Variants in PCDHGC5 observed in about 807,000 individuals in gnomAD.
The protein encoded by PCDHGC5 is protocadherin gamma-C5.
Under a neutral mutation model 59.0 loss-of-function variants are expected in PCDHGC5, and 25 were observed. That is an observed-to-expected ratio of 0.42 (90% CI 0.31 to 0.59). The LOEUF is 0.59. Ranked by LOEUF, PCDHGC5 falls within the 20% of genes least tolerant of loss-of-function variation. PCDHGC5 has a pLI of 0.13. For missense variants in PCDHGC5, 1,067 were observed against 1,206.4 expected, an observed-to-expected ratio of 0.88 and a Z score of 1.71; for synonymous variants, 434 against 505.5, an observed-to-expected ratio of 0.86 and a Z score of 1.90.
At chr5:141,507,798 GCCCT>G (rs2099863561) in intron 3 of PCDHGC5, among the ~76,000 whole-genome samples, 1 of 152,188 alleles carries the variant, frequency 6.6e-6, no homozygotes, top group Admixed American at 6.5e-5. Context: ...CTAAGCCTGC[GCCCT>G]GGGGAACGGA....
intron 2 of PCDHGC5, among the ~76,000 whole-genome samples, chr5:141,501,333 A>ACACACC (rs1186649373): frequency 1.5e-4 from 21 of 140,134 alleles, no homozygotes; most frequent in African/African-American, 3.4e-4. Flanking sequence ...ACACACACAC[A>ACACACC]CCCCAAACTC....
At chr5:141,494,772 G>C in intron 1 of PCDHGC5, 35 bp from the exon 2 acceptor site, 1 of 1,613,982 alleles carries the variant, frequency 6.2e-7, no homozygotes, top group Non-Finnish European at 8.5e-7. Context: ...ACTTCTCACG[G>C]GTACTCAGCC....
chr5:141,497,540 CTTT>C (rs754207034), intron 2 of PCDHGC5, among the ~76,000 whole-genome samples: 11 of 134,886 alleles, frequency 8.2e-5, no homozygotes, highest in African/African-American at 1.9e-4. Context: ...TGCAACAAAC[CTTT>C]TTTTTTTTTT....
At chr5:141,499,689 CTTTTTTTTTTT>C in intron 2 of PCDHGC5, among the ~76,000 whole-genome samples, 1 of 119,852 alleles carries the variant, frequency 8.3e-6, no homozygotes, top group Non-Finnish European at 1.7e-5. Context: ...TAACAGATGA[CTTTTTTTTTTT>C]TTTTTTTTTT....
chr5:141,509,602 C>T (rs921950654), intron 3 of PCDHGC5, among the ~76,000 whole-genome samples: 8 of 152,194 alleles, frequency 5.3e-5, no homozygotes, highest in Non-Finnish European at 8.8e-5. Context: ...TTCCGAGAGG[C>T]TGCATTCTAA....
At chr5:141,500,116 C>T (rs1458562489) in intron 2 of PCDHGC5, among the ~76,000 whole-genome samples, 4 of 149,046 alleles carry the variant, frequency 2.7e-5, no homozygotes, top group Admixed American at 2.0e-4. Context: ...GAATCCCTGC[C>T]TTTTCATATA....
chr5:141,489,364 G>A lies in PCDHGC5; in HGVS notation c.124G>A (p.Gly42Arg), dbSNP rs2099686163. The change falls in exon 1 of 4, where the codon GGG becomes AGG. Residue 42 changes from glycine (G) to arginine (R), a missense_variant. By Grantham distance (125) the Gly-to-Arg change is moderately radical. Coordinates refer to ENST00000252087, the MANE Select transcript of PCDHGC5 (RefSeq NM_018929.3). The surrounding 1 kb of genome is among the most constrained non-coding windows in gnomAD (Gnocchi z 4.5). ...RYSVVEESEP[G>R]TLVGNVAQDL... The stretch of plus-strand genomic sequence containing the variant: ...CTCAGTGGTGGAGGAGTCTGAGCCG[G>A]GGACGCTGGTGGGGAATGTTGCTCA... 1 of 1,613,450 alleles carries A rather than the reference G, an allele frequency of 6.2e-7. No homozygotes were observed. The highest frequency in any genetic ancestry group is 1.1e-5 in the South Asian group (1 of 91,042).
chr5:141,489,594 T>A lies in PCDHGC5; in HGVS notation c.354T>A (p.Arg118=). The A allele has an allele frequency of 2.5e-6, 4 of 1,614,076 alleles. No homozygotes were observed. Among genetic ancestry groups the A allele is most frequent in the Non-Finnish European group, 3.4e-6 (4 of 1,179,982 alleles). ...CTGAACACCCCCTGGAGCTAATCCG[T>A]GTAGAGGTAGAGATCCTGGATCTCA... ...VVTEHPLELI[R]VEVEILDLND... is the part of the protein sequence containing the mutation. Residue 118 remains arginine (R), a synonymous_variant, in exon 1 of 4, where the codon CGT becomes CGA. Coordinates refer to ENST00000252087, the MANE Select transcript of PCDHGC5 (RefSeq NM_018929.3). This position sits in a 1 kb window ranked among gnomAD's most constrained non-coding sequence, Gnocchi z 4.5.
intron 3 of PCDHGC5, among the ~76,000 whole-genome samples, chr5:141,510,518 GC>G (rs2099881500): frequency 6.6e-6 from 1 of 152,112 alleles, no homozygotes; most frequent in Non-Finnish European, 1.5e-5. Context: ...CCGTGTCACA[GC>G]CCTGAGAGAA....
Position 141,491,306 on chromosome 5 carries a change from A to G in PCDHGC5, c.2066A>G (p.Asp689Gly). ...CTCATACACCCTCCTGAGCGTTCAGACCTTACCCTTTACCTCATTGTGGCT... is the reference window on the plus strand; with the variant it reads ...CTCATACACCCTCCTGAGCGTTCAGGCCTTACCCTTTACCTCATTGTGGCT... ...DFLIHPPERSDLTLYLIVALA... is the reference protein window; with the variant it reads ...DFLIHPPERSGLTLYLIVALA... Residue 689 changes from aspartate (D) to glycine (G), a missense_variant, in exon 1 of 4, where the codon GAC becomes GGC. Physicochemically the swap from Asp to Gly is moderately conservative, Grantham distance 94. Coordinates refer to ENST00000252087, the MANE Select transcript of PCDHGC5 (RefSeq NM_018929.3). This position sits in a 1 kb window ranked among gnomAD's most constrained non-coding sequence, Gnocchi z 6.9. 1 of 1,614,032 alleles carries G rather than the reference A, an allele frequency of 6.2e-7. No individual in the cohort carries two copies. The highest frequency in any genetic ancestry group is 2.2e-5 in the East Asian group (1 of 44,872).
chr5:141,509,691 AC>A (rs1471858383), intron 3 of PCDHGC5, among the ~76,000 whole-genome samples: 5 of 152,064 alleles, frequency 3.3e-5, no homozygotes, highest in African/African-American at 1.2e-4. Flanking sequence ...GTACAGTGGG[AC>A]GTTGGACTGG....
intron 2 of PCDHGC5, among the ~76,000 whole-genome samples, chr5:141,497,767 C>T (rs1419825322): frequency 1.3e-5 from 2 of 152,066 alleles, no homozygotes; most frequent in East Asian, 3.9e-4. Flanking sequence ...TCAAACTCCC[C>T]GACCTCAACT....
chr5:141,507,849 C>CA (rs2099864208), intron 3 of PCDHGC5, among the ~76,000 whole-genome samples: 1 of 152,222 alleles, frequency 6.6e-6, no homozygotes, highest in African/African-American at 2.4e-5. Flanking sequence ...GCCCTGCTCT[C>CA]ACTTTCACAC....
rs1227487225 is a variant in PCDHGC5, at chr5:141,491,275, G to C, written c.2035G>C (p.Asp679His). The C allele has an allele frequency of 2.5e-6, 4 of 1,614,082 alleles. 1 individual carries two copies. In the South Asian group the frequency reaches 4.4e-5, roughly 18 times the overall value. The change falls in exon 1 of 4, where the codon GAC becomes CAC. Residue 679 changes from aspartate (D) to histidine (H), a missense_variant. By Grantham distance (81) the Asp-to-His change is moderately conservative (BLOSUM62 -1). Transcript: ENST00000252087. This position sits in a 1 kb window ranked among gnomAD's most constrained non-coding sequence, Gnocchi z 6.9. Reference sequence around the variant, plus strand: ...CCCTGAGGAAATGCCCAAATCCAGTGACTTCCTCATACACCCTCCTGAGCG... The same window carrying C: ...CCCTGAGGAAATGCCCAAATCCAGTCACTTCCTCATACACCCTCCTGAGCG... ...EDPEEMPKSS[D>H]FLIHPPERSD...
chr5:141,500,491 G>A (rs1595677531), intron 2 of PCDHGC5, among the ~76,000 whole-genome samples: 1 of 152,156 alleles, frequency 6.6e-6, no homozygotes, highest in East Asian at 1.9e-4. Context: ...TTACAGGCGT[G>A]AGCCACCGCG....
chr5:141,499,551 A>T (rs1178321389), intron 2 of PCDHGC5, among the ~76,000 whole-genome samples: 1 of 152,200 alleles, frequency 6.6e-6, no homozygotes, highest in Non-Finnish European at 1.5e-5. Flanking sequence ...AACCTGTATG[A>T]TACCACTATC....
chr5:141,507,097 A>G (rs1343795018), intron 3 of PCDHGC5: 1 of 152,082 alleles, frequency 6.6e-6, no homozygotes, highest in African/African-American at 2.4e-5. Flanking sequence ...TGCTCTTTCT[A>G]CTATAGGGAC....
At position 141,511,248 on chromosome 5, in the gene PCDHGC5, C is replaced by T; in HGVS notation, c.*75C>T. ...AGCTTCTCCTTACCTGCACCCAGGC[C>T]TCAGAGTTTCAGGGCTAACCCCCAG... On this transcript the variant is annotated 3_prime_UTR_variant, in exon 4 of 4. Transcript: ENST00000252087. 6.4e-7 allele frequency: 1 copy of T among 1,574,736 alleles called. No homozygotes were observed. The highest frequency in any genetic ancestry group is 8.6e-7 in the Non-Finnish European group (1 of 1,160,336).
In PCDHGC5 at chr5:141,490,658, T is replaced by A. The variant is rs776806248; in HGVS notation, c.1418T>A (p.Leu473His). The A allele has an allele frequency of 8.1e-6, 13 of 1,614,204 alleles. No homozygotes were observed. The South Asian group carries it at 1.4e-4, about 18-fold the overall frequency. ...GAAAACCGGCCTCCGGGCTCCCTTC[T>A]TTGCACTGTGGCTGCCTCAGATCCA... The part of the protein sequence containing the change: ...ILENRPPGSL[L>H]CTVAASDPDT... Residue 473 changes from leucine (L) to histidine (H), a missense_variant, in exon 1 of 4, where the codon CTT becomes CAT. Transcript: ENST00000252087. The surrounding 1 kb of genome is among the most constrained non-coding windows in gnomAD (Gnocchi z 5.4).
Sources: allele counts gnomAD v4.1 joint callset (sites outside exome capture counted in the v4.1 genomes callset), GRCh38; gene constraint gnomAD v4.1.1; non-coding constraint Gnocchi (gnomAD v3.1); transcripts MANE v1.5; gene names NCBI Gene and HGNC (gene_info 2026-07-23, HGNC 2026-07-21).